VPREB3: variants seen among roughly 807,000 people sequenced by gnomAD.
The protein encoded by VPREB3 is pre-B lymphocyte protein 3.
A neutral mutation model predicts 12.9 loss-of-function variants in VPREB3; 14 were observed. The observed-to-expected ratio is 1.09, with a 90% CI of 0.72 to 1.70. The LOEUF is 1.70. Ranked by LOEUF, VPREB3 falls within the 40% of genes most tolerant of loss-of-function variation. The probability of loss-of-function intolerance (pLI) is 0.00; values close to 1 mark genes in which losing one functional copy is unlikely to be tolerated. For synonymous variants in VPREB3, 78 were observed against 70.1 expected (o/e 1.11, Z -0.56); for missense variants, 165 against 159.6 (o/e 1.03, Z -0.18).
rs748415393 is a variant in VPREB3, at chr22:23,753,074, C to G, written c.174G>C (p.Gln58His). ...ATCGAGGGGCACTGCCTGCCCGCTGCTGGTACCAGGACACACCGTAGTCCC... is the reference window on the plus strand; with the variant it reads ...ATCGAGGGGCACTGCCTGCCCGCTGGTGGTACCAGGACACACCGTAGTCCC... The part of the protein sequence containing the change: ...TIRDYGVSWY[Q>H]QRAGSAPRYL... Residue 58 changes from glutamine to histidine, a missense_variant, in exon 2 of 2, where the codon CAG (glutamine) becomes CAC (histidine). Coordinates refer to ENST00000248948, the MANE Select transcript of VPREB3 (RefSeq NM_013378.3). 6.2e-7 allele frequency: 1 copy of G among 1,614,162 alleles called. No individual in the cohort carries two copies. Among genetic ancestry groups the G allele is most frequent in the East Asian group, 2.2e-5 (1 of 44,884 alleles).
rs1925421735 is a variant in VPREB3, at chr22:23,753,325, A to G, written c.50-127T>C. Reference sequence around the variant, plus strand: ...ATAGCCCAGTGCTATGGGATTAGCAATGAACGGGGTGCAGGAGGCCTGGTT... The same window carrying G: ...ATAGCCCAGTGCTATGGGATTAGCAGTGAACGGGGTGCAGGAGGCCTGGTT... On this transcript the variant is annotated intron_variant, in intron 1 of 1. Transcript: ENST00000248948. 3 of 1,010,526 alleles carry G rather than the reference A, an allele frequency of 3.0e-6. No individual in the cohort carries two copies. The African/African-American group carries it at 4.9e-5, about 16-fold the overall frequency. The allele number at this position is 1,010,526 out of a possible 1,614,324, so 62.6% of individuals were successfully genotyped here. A position where few individuals can be genotyped will look rare whatever the true frequency, so the allele number is the denominator to read the frequency against.
intron 1 of VPREB3, 103 bp from the exon 2 acceptor site, chr22:23,753,301 T>G: frequency 8.2e-7 from 1 of 1,220,262 alleles, no homozygotes; most frequent in South Asian, 1.5e-5. Flanking sequence ...AAAGGGCTCA[T>G]AGCCCAGTGC....
Position 23,753,959 on chromosome 22 carries a change from G to A in VPREB3, c.49+356C>T, listed in dbSNP as rs572107883. On this transcript the variant is annotated intron_variant, in intron 1 of 1. Transcript: ENST00000248948. ...AGCACTTTGGGAAGCTGAGGTGGGC[G>A]GATCACCTGAGGTCAGGAGTTTGAG... Among the ~76,000 whole-genome samples the A allele has an allele frequency of 4.3e-3, 652 of 152,220 alleles. 2 individuals are homozygous for A. The highest frequency in any genetic ancestry group is 0.015 in the African/African-American group (624 of 41,538).
At chr22:23,753,622 C>T (rs903209856) in intron 1 of VPREB3, among the ~76,000 whole-genome samples, 1 of 152,160 alleles carries the variant, frequency 6.6e-6, no homozygotes, top group Non-Finnish European at 1.5e-5. Flanking sequence ...CCCCAGGAAC[C>T]TCCTGGGCTG....
rs1569137777 is a variant in VPREB3 at position 23,752,926 on chromosome 22, C to T, written c.322G>A (p.Glu108Lys). The change falls in exon 2 of 2, where the codon GAA (glutamate) becomes AAA (lysine). Residue 108 changes from glutamate to lysine, a missense_variant. By Grantham distance (56) the Glu-to-Lys change is moderately conservative. Coordinates refer to ENST00000248948, the MANE Select transcript of VPREB3 (RefSeq NM_013378.3). ...CVLTISPVQP[E>K]DDADYYCSVG... ...GAGCAGTAGTAATCCGCGTCGTCTT[C>T]AGGCTGCACGGGACTAATGGTGAGG... 6.2e-7 allele frequency: 1 copy of T among 1,614,148 alleles called. No homozygotes were observed. The highest frequency in any genetic ancestry group is 2.2e-5 in the East Asian group (1 of 44,884).
chr22:23,753,322 G>T, intron 1 of VPREB3, 124 bp from the exon 2 acceptor site: 2 of 1,034,098 alleles, frequency 1.9e-6, no homozygotes, highest in Non-Finnish European at 2.7e-6. Flanking sequence ...TATGGGATTA[G>T]CAATGAACGG....
chr22:23,753,888 T>C (rs556524639), intron 1 of VPREB3, among the ~76,000 whole-genome samples: 2 of 152,266 alleles, frequency 1.3e-5, no homozygotes, highest in African/African-American at 4.8e-5. Flanking sequence ...CCCCTCTACC[T>C]GAATACGCCT....
At position 23,754,344 on chromosome 22, in the gene VPREB3, C is replaced by G. The variant is rs770720166; in HGVS notation, c.20G>C (p.Ser7Thr). The change falls in exon 1 of 2, where the codon AGC (serine) becomes ACC (threonine). Residue 7 changes from serine (S) to threonine (T), a missense_variant. Coordinates refer to ENST00000248948, the MANE Select transcript of VPREB3 (RefSeq NM_013378.3). MACRCL[S>T]FLLMGTFLSV... ...CAGGAAGGTCCCCATCAGAAGGAAG[C>G]TGAGGCACCGGCAGGCCATGGCCAG... 1 of 1,609,848 alleles carries G rather than the reference C, an allele frequency of 6.2e-7. No homozygotes were observed. Among genetic ancestry groups the G allele is most frequent in the Non-Finnish European group, 8.5e-7 (1 of 1,178,332 alleles).
At position 23,752,918 on chromosome 22, in the gene VPREB3, G is replaced by T. The variant is rs145023296; in HGVS notation, c.330C>A (p.Asp110Glu). 6.2e-7 allele frequency: 1 copy of T among 1,613,998 alleles called. No individual in the cohort carries two copies. Among genetic ancestry groups the T allele is most frequent in the African/African-American group, 1.3e-5 (1 of 74,898 alleles). Residue 110 changes from aspartate to glutamate, a missense_variant, in exon 2 of 2, where the codon GAC becomes GAA. Physicochemically the swap from Asp to Glu is conservative, Grantham distance 45. Transcript: ENST00000248948. ...AGCCAACAGAGCAGTAGTAATCCGC[G>T]TCGTCTTCAGGCTGCACGGGACTAA... is the stretch of plus-strand genomic sequence containing the variant. ...LTISPVQPED[D>E]ADYYCSVGYG...
In VPREB3 at chr22:23,752,822, G is replaced by A. The variant is rs951061266; in HGVS notation, c.*54C>T. On this transcript the variant is annotated 3_prime_UTR_variant, in exon 2 of 2. Transcript: ENST00000248948. The stretch of plus-strand genomic sequence containing the variant: ...CAGAGAAAGTTTAAAAGGGACCCAA[G>A]GTCAGGGGCAGAAATGGGAGGCAGA... 2.7e-4 allele frequency: 415 copies of A among 1,551,650 alleles called. No homozygotes were observed. Among genetic ancestry groups the A allele is most frequent in the Non-Finnish European group, 6.0e-5 (68 of 1,138,966 alleles).
At position 23,753,152 on chromosome 22, in the gene VPREB3, T is replaced by C. The variant is rs200595445; in HGVS notation, c.96A>G (p.Pro32=). Residue 32 remains proline (P), a synonymous_variant, in exon 2 of 2, where the codon CCA becomes CCG. Coordinates refer to ENST00000248948, the MANE Select transcript of VPREB3 (RefSeq NM_013378.3). ...LAQLDALLVF[P]GQVAQLSCTL... ...TGCAGGAGAGTTGAGCCACTTGGCC[T>C]GGGAAGACCAGCAGTGCATCCAGCT... is the stretch of plus-strand genomic sequence containing the variant. 1.6e-5 allele frequency: 25 copies of C among 1,611,216 alleles called. No homozygotes were observed. The highest frequency in any genetic ancestry group is 2.1e-5 in the Non-Finnish European group (25 of 1,178,848).
rs540243714 is a variant in VPREB3, at chr22:23,752,974, C to T, written c.274G>A (p.Asp92Asn). The T allele has an allele frequency of 3.7e-6, 6 of 1,614,140 alleles. No homozygotes were observed. The South Asian group carries it at 6.6e-5, about 18-fold the overall frequency. Residue 92 changes from aspartate (D) to asparagine (N), a missense_variant, in exon 2 of 2, where the codon GAT (aspartate) becomes AAT (asparagine). Coordinates refer to ENST00000248948, the MANE Select transcript of VPREB3 (RefSeq NM_013378.3). Reference sequence around the variant, plus strand: ...AGGACACAGGCATTGTGGGCCTCATCCTTGGCTGCCGAGAATCGATCGGGG... The same window carrying T: ...AGGACACAGGCATTGTGGGCCTCATTCTTGGCTGCCGAGAATCGATCGGGG... Reference protein sequence around the residue: ...DIPDRFSAAKDEAHNACVLTI... With the variant: ...DIPDRFSAAKNEAHNACVLTI...
rs1234648753 is a variant in VPREB3 at position 23,752,979 on chromosome 22, G to A, written c.269C>T (p.Ala90Val). The A allele has an allele frequency of 1.2e-6, 2 of 1,614,030 alleles. No individual in the cohort carries two copies. The highest frequency in any genetic ancestry group is 1.7e-6 in the Non-Finnish European group (2 of 1,180,040). Residue 90 changes from alanine to valine, a missense_variant, in exon 2 of 2, where the codon GCC becomes GTC. Transcript: ENST00000248948. ...PADIPDRFSA[A>V]KDEAHNACVL... Reference sequence around the variant, plus strand: ...ACAGGCATTGTGGGCCTCATCCTTGGCTGCCGAGAATCGATCGGGGATGTC... The same window carrying A: ...ACAGGCATTGTGGGCCTCATCCTTGACTGCCGAGAATCGATCGGGGATGTC...
At chr22:23,753,301 T>C in intron 1 of VPREB3, 103 bp from the exon 2 acceptor site, 1 of 1,220,262 alleles carries the variant, frequency 8.2e-7, no homozygotes, top group African/African-American at 1.5e-5. Flanking sequence ...AAAGGGCTCA[T>C]AGCCCAGTGC....
rs35437774 is a variant in VPREB3, at chr22:23,753,012, C to T, written c.236G>A (p.Arg79Gln). 4.9e-4 allele frequency: 793 copies of T among 1,614,134 alleles called. 3 individuals carry two copies. The African/African-American group carries it at 7.6e-3, about 15-fold the overall frequency. ...GAATCGATCGGGGATGTCAGCAGGC[C>T]GGTGGTGATCCTCCTCCGAGCGGTA... The part of the protein sequence containing the change: ...LYYRSEEDHH[R>Q]PADIPDRFSA... Residue 79 changes from arginine (R) to glutamine (Q), a missense_variant, in exon 2 of 2, where the codon CGG (arginine) becomes CAG (glutamine). Coordinates refer to ENST00000248948, the MANE Select transcript of VPREB3 (RefSeq NM_013378.3).
rs758607119 is a variant in VPREB3 at position 23,753,075 on chromosome 22, T to C, written c.173A>G (p.Gln58Arg). The change falls in exon 2 of 2, where the codon CAG (glutamine) becomes CGG (arginine). Residue 58 changes from glutamine (Q) to arginine (R), a missense_variant. Gln to Arg is a conservative substitution (Grantham distance 43). Coordinates refer to ENST00000248948, the MANE Select transcript of VPREB3 (RefSeq NM_013378.3). ...TCGAGGGGCACTGCCTGCCCGCTGC[T>C]GGTACCAGGACACACCGTAGTCCCT... The part of the protein sequence containing the change: ...TIRDYGVSWY[Q>R]QRAGSAPRYL... 2.5e-6 allele frequency: 4 copies of C among 1,614,140 alleles called. No individual in the cohort carries two copies. The highest frequency in any genetic ancestry group is 2.2e-5 in the South Asian group (2 of 91,084).
In VPREB3 at chr22:23,754,407, A is replaced by G. The variant is rs780402819; in HGVS notation, c.-44T>C. The G allele has an allele frequency of 1.9e-6, 3 of 1,585,080 alleles. No homozygotes were observed. Among genetic ancestry groups the G allele is most frequent in the South Asian group, 1.1e-5 (1 of 87,060 alleles). On this transcript the variant is annotated 5_prime_UTR_variant, in exon 1 of 2. Transcript: ENST00000248948. ...AGGCAAGTAGAAGTTCTGCAAGGCT[A>G]TATGCTCCAGGTGCTTTGGGGCACA...
rs572110247 is a variant in VPREB3, at chr22:23,754,197, T to C, written c.49+118A>G. 1.0e-5 allele frequency: 10 copies of C among 962,614 alleles called. 1 individual carries two copies. Among genetic ancestry groups the C allele is most frequent in the South Asian group, 1.6e-5 (1 of 61,674 alleles). The allele number at this position is 962,614 out of a possible 1,614,324, so 59.6% of individuals were successfully genotyped here. On this transcript the variant is annotated intron_variant, in intron 1 of 1. Coordinates refer to ENST00000248948, the MANE Select transcript of VPREB3 (RefSeq NM_013378.3). ...AACTCCGTCTCAAAAAAAAAAAAAA[T>C]ACCCCTCCCAGGACCTGCCCTACTG... is the stretch of plus-strand genomic sequence containing the variant.
At position 23,752,965 on chromosome 22, in the gene VPREB3, G is replaced by A. The variant is rs1356440446; in HGVS notation, c.283C>T (p.His95Tyr). ...DRFSAAKDEA[H>Y]NACVLTISPV... ...CTAATGGTGAGGACACAGGCATTGT[G>A]GGCCTCATCCTTGGCTGCCGAGAAT... Residue 95 changes from histidine (H) to tyrosine (Y), a missense_variant, in exon 2 of 2, where the codon CAC becomes TAC. His to Tyr is a moderately conservative substitution (Grantham distance 83, BLOSUM62 2). Transcript: ENST00000248948. 1.2e-6 allele frequency: 2 copies of A among 1,614,138 alleles called. No individual in the cohort carries two copies. Among genetic ancestry groups the A allele is most frequent in the East Asian group, 4.5e-5 (2 of 44,874 alleles).
Sources: gnomAD v4.1 joint callset for allele counts (sites outside exome capture counted in the v4.1 genomes callset) on GRCh38, gnomAD v4.1.1 for gene constraint, MANE v1.5 for transcripts, NCBI Gene and HGNC (gene_info 2026-07-23, HGNC 2026-07-21) for gene names.